The following DMD variants were observed in gnomAD, a reference collection of about 807,000 sequenced individuals.
DMD encodes the protein mutant dystrophin.
In DMD, 63 loss-of-function variants were observed where a neutral mutation model predicts 330.1. The observed-to-expected ratio is 0.19, with a 90% CI of 0.16 to 0.24. The LOEUF (loss-of-function observed/expected upper bound fraction) is 0.24, where lower values mean the gene tolerates loss of function less well. Ranked by LOEUF, DMD falls within the 10% of genes least tolerant of loss-of-function variation. DMD has a pLI of 1.00. For missense variants in DMD, 3,344 were observed against 2,684.1 expected, an observed-to-expected ratio of 1.25 and a Z score of -5.43; for synonymous variants, 1,223 against 959.8, an observed-to-expected ratio of 1.27 and a Z score of -5.07.
intron 60 of DMD, among the ~76,000 whole-genome samples, chrX:31,426,750 G>C (rs1215087632): frequency 3.6e-5 from 4 of 111,808 alleles, no homozygotes; most frequent in African/African-American, 1.3e-4. Flanking sequence ...GCATTCTTAG[G>C]GGGCAGATTC....
At chrX:33,031,538 C>A (rs1321186102) in intron 1 of DMD, among the ~76,000 whole-genome samples, 1 of 110,669 alleles carries the variant, frequency 9.0e-6, no homozygotes, top group African/African-American at 3.3e-5. Context: ...TTTGGGAGGC[C>A]CAGGTGGACG....
At chrX:32,191,124 C>T (rs1372009674) in intron 44 of DMD, among the ~76,000 whole-genome samples, 2 of 111,294 alleles carry the variant, frequency 1.8e-5, no homozygotes, top group Non-Finnish European at 3.8e-5. Context: ...AATTGAGGCA[C>T]CAGTTCCTGC....
At chrX:31,875,996 T>C (rs1463760824) in intron 47 of DMD, among the ~76,000 whole-genome samples, 1 of 112,733 alleles carries the variant, frequency 8.9e-6, no homozygotes, top group Admixed American at 9.4e-5. Context: ...TGGTAAGTTA[T>C]GCGTTTTTGT....
At chrX:32,751,675 G>T (rs1286752419) in intron 7 of DMD, among the ~76,000 whole-genome samples, 1 of 112,692 alleles carries the variant, frequency 8.9e-6, no homozygotes, top group Non-Finnish European at 1.9e-5. Flanking sequence ...TAATCACCAA[G>T]ACAATGAGAA....
chrX:33,080,999 CACACACACAA>C (rs1375945029), intron 1 of DMD, among the ~76,000 whole-genome samples: 60 of 106,022 alleles, frequency 5.7e-4, no homozygotes, highest in African/African-American at 2.0e-3. Flanking sequence ...CACACACACA[CACACACACAA>C]AAACACATGT....
chrX:31,575,435 C>T (rs1258695153), intron 55 of DMD, among the ~76,000 whole-genome samples: 1 of 111,605 alleles, frequency 9.0e-6, no homozygotes, highest in South Asian at 3.8e-4. Flanking sequence ...ATAATTGTAA[C>T]AGCAGGACCT....
At chrX:32,198,330 G>A (rs1423696152) in intron 44 of DMD, among the ~76,000 whole-genome samples, 1 of 111,803 alleles carries the variant, frequency 8.9e-6, no homozygotes. Flanking sequence ...ATGATCGTGT[G>A]TGTTTCAAAA....
intron 2 of DMD, among the ~76,000 whole-genome samples, chrX:32,979,044 A>G (rs2092632822): frequency 8.9e-6 from 1 of 112,379 alleles, no homozygotes. Flanking sequence ...CAAAGTCTTT[A>G]TAATTTACAA....
intron 1 of DMD, among the ~76,000 whole-genome samples, chrX:33,074,058 T>C (rs2094800810): frequency 9.0e-6 from 1 of 111,071 alleles, no homozygotes. Context: ...ACAACCTATC[T>C]CAATAGGTAG....
chrX:32,040,291 T>A (rs2095989637), intron 44 of DMD, among the ~76,000 whole-genome samples: 1 of 111,273 alleles, frequency 9.0e-6, no homozygotes, highest in African/African-American at 3.3e-5. Flanking sequence ...CAATCCCCAC[T>A]AGATTTTAAA....
intron 1 of DMD, among the ~76,000 whole-genome samples, chrX:33,227,397 T>C (rs1054294050): frequency 8.1e-5 from 9 of 111,168 alleles, no homozygotes; most frequent in African/African-American, 2.6e-4. Context: ...AGGCTAAGTT[T>C]TCATCCTGAT....
rs1216571150 is a variant in DMD at position 33,286,897 on chromosome X, T to G, written c.7+52362A>C. On this transcript the variant is annotated intron_variant, in intron 1 of 17. Coordinates refer to the DMD transcript ENST00000288447. ...AGAGCTTCAGATTTTAAAAAGCTAA[T>G]ATATCTTCTCTGCTGTTTCTTTCCC... Among the ~76,000 whole-genome samples the G allele has an allele frequency of 4.4e-5, 5 of 112,467 alleles. No homozygotes were observed. In the East Asian group the frequency reaches 1.4e-3, roughly 31 times the overall value.
chrX:32,479,840 G>A (rs952940216), intron 21 of DMD, among the ~76,000 whole-genome samples: 6 of 108,317 alleles, frequency 5.5e-5, no homozygotes, highest in African/African-American at 2.1e-4. Context: ...GGTTGTTTCC[G>A]TATCTTGGCT....
Position 33,283,542 on chromosome X carries a change from A to T in DMD, c.7+55717T>A, listed in dbSNP as rs1206911199. On this transcript the variant is annotated intron_variant, in intron 1 of 17. Coordinates refer to the DMD transcript ENST00000288447. ...TTTGGTCTCAAAGAAAAAAAAAAAA[A>T]AACATCAACTATACCAAGTGATGAG... Among the ~76,000 whole-genome samples the T allele has an allele frequency of 3.6e-5, 4 of 109,642 alleles. No individual in the cohort carries two copies. In the East Asian group the frequency reaches 8.6e-4, roughly 24 times the overall value.
At chrX:31,590,366 A>C (rs897207886) in intron 55 of DMD, among the ~76,000 whole-genome samples, 2 of 111,368 alleles carry the variant, frequency 1.8e-5, no homozygotes, top group African/African-American at 6.5e-5. Flanking sequence ...CCAATGCAAA[A>C]AGGTCCCAGC....
chrX:31,825,535 C>A (rs1440696059), intron 49 of DMD, among the ~76,000 whole-genome samples: 1 of 111,547 alleles, frequency 9.0e-6, no homozygotes, highest in Non-Finnish European at 1.9e-5. Flanking sequence ...AGGTTCCACT[C>A]TCTTCTCATG....
chrX:31,493,557 G>A (rs755588869), intron 57 of DMD, among the ~76,000 whole-genome samples: 1 of 110,104 alleles, frequency 9.1e-6, no homozygotes, highest in Non-Finnish European at 1.9e-5. Flanking sequence ...AAAGTAAATG[G>A]AGGCAGTATG....
intron 6 of DMD, among the ~76,000 whole-genome samples, chrX:32,814,503 T>C (rs1444075337): frequency 1.8e-5 from 2 of 112,246 alleles, no homozygotes; most frequent in Non-Finnish European, 3.8e-5. Context: ...CAACCATTTT[T>C]TTCTTTAGAT....
intron 2 of DMD, among the ~76,000 whole-genome samples, chrX:32,961,857 T>G (rs1224822017): frequency 8.9e-6 from 1 of 111,749 alleles, no homozygotes; most frequent in Non-Finnish European, 1.9e-5. Flanking sequence ...CATCCCAGTT[T>G]TGCACATATT....
Sources: gnomAD v4.1 joint callset for allele counts (sites outside exome capture counted in the v4.1 genomes callset) on GRCh38, gnomAD v4.1.1 for gene constraint, MANE v1.5 for transcripts, NCBI Gene and HGNC (gene_info 2026-07-23, HGNC 2026-07-21) for gene names.